The following LPAR1 variants were observed in gnomAD, a reference collection of about 807,000 sequenced individuals.
The protein encoded by LPAR1 is LPA receptor 1.
In LPAR1, 5 loss-of-function variants were observed where a neutral mutation model predicts 23.8. The ratio of observed to expected loss-of-function variants is 0.21; its 90% CI spans 0.11 to 0.44. LPAR1 has a LOEUF of 0.44. LPAR1 is among the 20% of genes least tolerant of loss of function. LPAR1 has a pLI of 0.99. For synonymous variants in LPAR1, 160 were observed against 164.7 expected (o/e 0.97, Z 0.22); for missense variants, 311 against 482.8 (o/e 0.64, Z 3.33).
rs910699783 is a variant in LPAR1, at chr9:110,899,019, C to T, written c.794-23297G>A. Among the ~76,000 whole-genome samples, 29 of 152,238 alleles carry T rather than the reference C, an allele frequency of 1.9e-4. No homozygotes were observed. The East Asian group carries it at 2.7e-3, about 14-fold the overall frequency. On this transcript the variant is annotated intron_variant, in intron 5 of 5. Coordinates refer to ENST00000683809, the MANE Select transcript of LPAR1 (RefSeq NM_001351411.2). ...CCCCTTAGGTTCCTTGGACAAACAT[C>T]GGCTAATTCTTTTTTAAAAATACAA...
At chr9:110,960,191 A>G (rs1449721785) in intron 4 of LPAR1, among the ~76,000 whole-genome samples, 1 of 152,182 alleles carries the variant, frequency 6.6e-6, no homozygotes. Context: ...ATAGGAACAC[A>G]TGGATGTGTT....
chr9:110,937,303 T>C (rs2094780603), intron 5 of LPAR1, among the ~76,000 whole-genome samples: 3 of 152,232 alleles, frequency 2.0e-5, no homozygotes, highest in African/African-American at 7.2e-5. Flanking sequence ...TCAAATGTTA[T>C]AACTAAATAC....
At chr9:110,963,750 A>G (rs557638205) in intron 4 of LPAR1, among the ~76,000 whole-genome samples, 9 of 152,354 alleles carry the variant, frequency 5.9e-5, no homozygotes, top group Non-Finnish European at 1.2e-4. Context: ...CAAAAGGCTG[A>G]TACTATACAA....
intron 1 of LPAR1, among the ~76,000 whole-genome samples, chr9:111,036,455 C>A (rs1369388440): frequency 6.6e-6 from 1 of 151,882 alleles, no homozygotes; most frequent in Non-Finnish European, 1.5e-5. Context: ...TGCTTGTTTT[C>A]TTCCATCTTC....
At chr9:110,924,475 G>A (rs2766995) in intron 5 of LPAR1, among the ~76,000 whole-genome samples, 126,021 of 152,090 alleles carry the variant, frequency 0.83, 52,330 homozygotes, top group Non-Finnish European at 0.84. Context: ...GTTAATTATG[G>A]AAGGTAAAAT....
At chr9:110,924,046 A>G (rs996161365) in intron 5 of LPAR1, among the ~76,000 whole-genome samples, 3 of 152,194 alleles carry the variant, frequency 2.0e-5, no homozygotes, top group Non-Finnish European at 4.4e-5. Context: ...GAATAAAGAT[A>G]ACACAAATGG....
intron 5 of LPAR1, among the ~76,000 whole-genome samples, chr9:110,912,160 T>C (rs1009372778): frequency 2.0e-5 from 3 of 152,148 alleles, no homozygotes; most frequent in Non-Finnish European, 2.9e-5. Context: ...TACTTAATAA[T>C]AGAAAATGGA....
At chr9:110,940,296 T>C (rs913594013) in intron 5 of LPAR1, among the ~76,000 whole-genome samples, 3 of 152,210 alleles carry the variant, frequency 2.0e-5, no homozygotes, top group African/African-American at 4.8e-5. Flanking sequence ...TACTACTTTA[T>C]ATAATGATCA....
At chr9:110,885,138 T>C (rs2082007254) in intron 5 of LPAR1, among the ~76,000 whole-genome samples, 1 of 152,224 alleles carries the variant, frequency 6.6e-6, no homozygotes, top group Admixed American at 6.5e-5. Context: ...ATTTAGTCAA[T>C]ACAGTGTCTT....
At chr9:110,889,495 T>A (rs543256725) in intron 5 of LPAR1, among the ~76,000 whole-genome samples, 30 of 152,364 alleles carry the variant, frequency 2.0e-4, no homozygotes, top group Admixed American at 1.3e-3. Flanking sequence ...TATGCTTATA[T>A]ATGTAGATAA....
At position 110,984,648 on chromosome 9, in the gene LPAR1, A is replaced by T. The variant is rs557969110; in HGVS notation, c.-181-11090T>A. ...ATTAAGATATATTTCTCCCTGAAAAATTTGTTCAAACACATAATACAACTA... is the reference window on the plus strand; with the variant it reads ...ATTAAGATATATTTCTCCCTGAAAATTTTGTTCAAACACATAATACAACTA... On this transcript the variant is annotated intron_variant, in intron 2 of 5. Coordinates refer to ENST00000683809, the MANE Select transcript of LPAR1 (RefSeq NM_001351411.2). Among the ~76,000 whole-genome samples, 10 of 152,058 alleles carry T rather than the reference A, an allele frequency of 6.6e-5. No individual in the cohort carries two copies. In the East Asian group the frequency reaches 1.5e-3, roughly 24 times the overall value.
chr9:111,022,081 T>C (rs1224807617), intron 2 of LPAR1, among the ~76,000 whole-genome samples: 1 of 151,560 alleles, frequency 6.6e-6, no homozygotes, highest in Non-Finnish European at 1.5e-5. Context: ...TAGTGCCACC[T>C]GAGCCTGACC....
intron 4 of LPAR1, among the ~76,000 whole-genome samples, chr9:110,959,591 C>A (rs910151795): frequency 2.0e-5 from 3 of 151,588 alleles, no homozygotes; most frequent in African/African-American, 4.9e-5. Flanking sequence ...GCACTCCAGC[C>A]TGGGTGACAG....
intron 2 of LPAR1, among the ~76,000 whole-genome samples, chr9:111,034,373 A>G (rs2097853987): frequency 6.6e-6 from 1 of 152,190 alleles, no homozygotes; most frequent in Admixed American, 6.5e-5. Context: ...ATTAGCATTA[A>G]CCAGCAAGCC....
chr9:110,915,552 AAG>A (rs1377987688), intron 5 of LPAR1, among the ~76,000 whole-genome samples: 6 of 152,172 alleles, frequency 3.9e-5, no homozygotes, highest in Non-Finnish European at 8.8e-5. Flanking sequence ...TCTCTCAAAA[AAG>A]AGAATATACA....
intron 2 of LPAR1, among the ~76,000 whole-genome samples, chr9:111,006,963 T>C (rs2097230353): frequency 6.6e-6 from 1 of 152,142 alleles, no homozygotes; most frequent in African/African-American, 2.4e-5. Context: ...TTCTGGAACA[T>C]TCTCTTGGTG....
At chr9:110,993,029 C>T (rs976704424) in intron 2 of LPAR1, among the ~76,000 whole-genome samples, 7 of 152,078 alleles carry the variant, frequency 4.6e-5, no homozygotes, top group South Asian at 2.1e-4. Flanking sequence ...TAAAGAAAAA[C>T]GCTATTTTAC....
chr9:110,981,332 T>C (rs1187165091), intron 2 of LPAR1, among the ~76,000 whole-genome samples: 1 of 152,064 alleles, frequency 6.6e-6, no homozygotes, highest in South Asian at 2.1e-4. Flanking sequence ...CAGTATGACC[T>C]TGGGCAGGTT....
chr9:110,969,847 T>C (rs1006813960), intron 4 of LPAR1, among the ~76,000 whole-genome samples: 3 of 152,244 alleles, frequency 2.0e-5, no homozygotes, highest in Non-Finnish European at 2.9e-5. Context: ...AATGCTTCAA[T>C]GAATATCTTT....
Sources: allele counts gnomAD v4.1 joint callset (sites outside exome capture counted in the v4.1 genomes callset), GRCh38; gene constraint gnomAD v4.1.1; transcripts MANE v1.5; gene names NCBI Gene and HGNC (gene_info 2026-07-23, HGNC 2026-07-21).